Variants in SLC35F4 observed in about 807,000 individuals in gnomAD.
SLC35F4 encodes chromosome 14 open reading frame 36.
In SLC35F4, 24 loss-of-function variants were observed where a neutral mutation model predicts 44.2. The ratio of observed to expected loss-of-function variants is 0.54; its 90% CI spans 0.39 to 0.76. SLC35F4 has a LOEUF of 0.76. SLC35F4 is among the 30% of genes least tolerant of loss of function. The pLI is 0.00. For synonymous variants in SLC35F4, 238 were observed against 223.6 expected, an observed-to-expected ratio of 1.06 and a Z score of -0.57; for missense variants, 562 against 586.1, an observed-to-expected ratio of 0.96 and a Z score of 0.42.
intron 1 of SLC35F4, among the ~76,000 whole-genome samples, chr14:57,829,515 G>A (rs1164452255): frequency 6.6e-6 from 1 of 152,146 alleles, no homozygotes; most frequent in South Asian, 2.1e-4. Context: ...GGTCTAAAAC[G>A]CTGTGACCAA....
At chr14:57,629,715 G>T in intron 1 of SLC35F4, 1 of 245,742 alleles carries the variant, frequency 4.1e-6, no homozygotes, top group Non-Finnish European at 8.1e-6. Context: ...ACATAGATCT[G>T]TATAGTTGCT....
intron 1 of SLC35F4, among the ~76,000 whole-genome samples, chr14:57,864,242 A>G (rs1392009985): frequency 6.6e-6 from 1 of 152,212 alleles, no homozygotes; most frequent in Non-Finnish European, 1.5e-5. Context: ...TCCTTTACTT[A>G]TGTTTCCAGG....
At chr14:57,598,642 G>T (rs958691507) in intron 1 of SLC35F4, among the ~76,000 whole-genome samples, 1 of 152,166 alleles carries the variant, frequency 6.6e-6, no homozygotes, top group Non-Finnish European at 1.5e-5. Flanking sequence ...GGAAGATACA[G>T]ATAGATCAAA....
At position 57,621,239 on chromosome 14, in the gene SLC35F4, T is replaced by C. The variant is rs1303097535; in HGVS notation, c.104-27115A>G. ...ATCAATATCGTGAAAATGGCCATAC[T>C]GCCCAAGGTAATTTACAGATTCAAT... On this transcript the variant is annotated intron_variant, in intron 1 of 7. Transcript: ENST00000556826. Among the ~76,000 whole-genome samples the C allele has an allele frequency of 1.3e-4, 19 of 148,192 alleles. 1 individual carries two copies. In the Admixed American group the frequency reaches 1.3e-3, roughly 10 times the overall value.
At chr14:57,826,904 T>C (rs1431497350) in intron 1 of SLC35F4, among the ~76,000 whole-genome samples, 2 of 152,186 alleles carry the variant, frequency 1.3e-5, no homozygotes, top group East Asian at 1.9e-4. Context: ...TTTTACACTA[T>C]TGGCAGGAAT....
chr14:57,917,622 G>A (rs912201604), intron 1 of SLC35F4, among the ~76,000 whole-genome samples: 2 of 152,016 alleles, frequency 1.3e-5, no homozygotes, highest in Admixed American at 6.5e-5. Flanking sequence ...TGGTAATGTG[G>A]GGGTGGGGTG....
intron 1 of SLC35F4, among the ~76,000 whole-genome samples, chr14:57,693,133 C>T (rs1225177026): frequency 1.3e-5 from 2 of 152,178 alleles, no homozygotes; most frequent in Non-Finnish European, 2.9e-5. Context: ...AAAACAAATA[C>T]AGGCAGTTCT....
At chr14:57,932,006 G>T (rs568602652) in intron 1 of SLC35F4, among the ~76,000 whole-genome samples, 2 of 152,168 alleles carry the variant, frequency 1.3e-5, no homozygotes, top group African/African-American at 4.8e-5. Context: ...ACAATGGCCG[G>T]TGTCCTTGAA....
At chr14:57,687,192 T>A (rs995646094) in intron 1 of SLC35F4, among the ~76,000 whole-genome samples, 1 of 152,132 alleles carries the variant, frequency 6.6e-6, no homozygotes, top group Admixed American at 6.6e-5. Flanking sequence ...AGCTCCCCAG[T>A]CTGTGATACT....
At chr14:57,892,405 T>C (rs1470561927) in intron 1 of SLC35F4, among the ~76,000 whole-genome samples, 1 of 152,180 alleles carries the variant, frequency 6.6e-6, no homozygotes, top group African/African-American at 2.4e-5. Flanking sequence ...AGTGACAATC[T>C]GACTGTTCAA....
rs570327045 is a variant in SLC35F4, at chr14:57,937,542, AGAAG to A, written n.282+44367_282+44370del. Among the ~76,000 whole-genome samples, 167 of 150,922 alleles carry A rather than the reference AGAAG, an allele frequency of 1.1e-3. 2 individuals are homozygous for A. In the Middle Eastern group the frequency reaches 0.034, roughly 31 times the overall value. On this transcript the variant is annotated intron_variant and non_coding_transcript_variant, in intron 1 of 1. Coordinates refer to the SLC35F4 transcript ENST00000556568. The stretch of plus-strand genomic sequence containing the variant: ...AGGCAAAATTACAATAATGATGGTC[AGAAG>A]GAAGGAAGGAAAGAAAAGAAAAGAA...
chr14:57,944,917 T>C (rs141216651), intron 1 of SLC35F4, among the ~76,000 whole-genome samples: 9 of 152,264 alleles, frequency 5.9e-5, no homozygotes, highest in Non-Finnish European at 1.0e-4. Context: ...TGTACAACCT[T>C]ACACACACAA....
At chr14:57,857,609 T>C (rs1388284850) in intron 1 of SLC35F4, among the ~76,000 whole-genome samples, 1 of 151,918 alleles carries the variant, frequency 6.6e-6, no homozygotes, top group African/African-American at 2.4e-5. Flanking sequence ...TAAAATAAAA[T>C]AAATAAAGAT....
chr14:57,743,119 AG>A (rs1425795509), intron 1 of SLC35F4, among the ~76,000 whole-genome samples: 1 of 152,232 alleles, frequency 6.6e-6, no homozygotes, highest in Non-Finnish European at 1.5e-5. Context: ...AAGAGAAAGC[AG>A]CAAAGATATA....
intron 1 of SLC35F4, among the ~76,000 whole-genome samples, chr14:57,916,764 A>G (rs1229205681): frequency 6.6e-6 from 1 of 152,208 alleles, no homozygotes; most frequent in Non-Finnish European, 1.5e-5. Context: ...AAACCTTAGC[A>G]TCATGTAATA....
chr14:57,867,777 A>G (rs188707890), upstream of SLC35F4, among the ~76,000 whole-genome samples: 198 of 152,302 alleles, frequency 1.3e-3, no homozygotes, highest in Middle Eastern at 0.01. Flanking sequence ...TATTACATAT[A>G]TTATATATTT....
chr14:57,931,800 A>G (rs981269375), intron 1 of SLC35F4, among the ~76,000 whole-genome samples: 1 of 152,228 alleles, frequency 6.6e-6, no homozygotes, highest in Non-Finnish European at 1.5e-5. Flanking sequence ...TGAAGCACAA[A>G]GCACAATCCA....
intron 2 of SLC35F4, among the ~76,000 whole-genome samples, chr14:57,589,729 C>T (rs764229387): frequency 6.4e-4 from 98 of 152,196 alleles, no homozygotes; most frequent in Non-Finnish European, 1.2e-3. Context: ...ATCTGAGTCC[C>T]GATCCAGTCC....
intron 1 of SLC35F4, among the ~76,000 whole-genome samples, chr14:57,904,409 G>A (rs906205648): frequency 1.3e-5 from 2 of 152,208 alleles, no homozygotes; most frequent in African/African-American, 2.4e-5. Flanking sequence ...TTGAGTTGAT[G>A]TAATGGTCAG....
Sources: gnomAD v4.1 joint callset for allele counts (sites outside exome capture counted in the v4.1 genomes callset) on GRCh38, gnomAD v4.1.1 for gene constraint, MANE v1.5 for transcripts, NCBI Gene and HGNC (gene_info 2026-07-23, HGNC 2026-07-21) for gene names.